KIAA0408: variants seen among roughly 807,000 people sequenced by gnomAD.
The protein encoded by KIAA0408 is uncharacterized protein KIAA0408.
A neutral mutation model predicts 60.9 loss-of-function variants in KIAA0408; 51 were observed. That is an observed-to-expected ratio of 0.84 (90% CI 0.67 to 1.06). The LOEUF (loss-of-function observed/expected upper bound fraction) is 1.06. Ranked by LOEUF, KIAA0408 falls within the 50% of genes least tolerant of loss-of-function variation. The pLI is 0.00. For missense variants in KIAA0408, 787 were observed against 833.9 expected, an observed-to-expected ratio of 0.94 and a Z score of 0.69; for synonymous variants, 304 against 282.4, an observed-to-expected ratio of 1.08 and a Z score of -0.77.
rs1247034181 is a variant in KIAA0408, at chr6:127,453,899, T to C, written c.83A>G (p.Glu28Gly). The change falls in exon 2 of 6, where the codon GAA becomes GGA. Residue 28 changes from glutamate to glycine, a missense_variant. Transcript: ENST00000483725. ...KMELLDQFDN[E>G]RKEWESQWKI... ...CCATTGACTTTCCCATTCCTTTCTT[T>C]CATTGTCAAACTGGTCCAGTAATTC... The C allele has an allele frequency of 3.7e-6, 6 of 1,613,030 alleles. No homozygotes were observed. Among genetic ancestry groups the C allele is most frequent in the Non-Finnish European group, 5.1e-6 (6 of 1,179,246 alleles).
chr6:127,447,531 T>C lies in KIAA0408; in HGVS notation c.788A>G (p.Glu263Gly), dbSNP rs1773223342. 7 of 1,610,858 alleles carry C rather than the reference T, an allele frequency of 4.3e-6. No homozygotes were observed. The highest frequency in any genetic ancestry group is 1.1e-5 in the South Asian group (1 of 90,322). ...TCTTGGAGGAGGAACTGGTGGAGTTTCATTTCTTTTTAAATCGATTGTATC... is the reference window on the plus strand; with the variant it reads ...TCTTGGAGGAGGAACTGGTGGAGTTCCATTTCTTTTTAAATCGATTGTATC... The part of the protein sequence containing the change: ...GIDTIDLKRN[E>G]TPPVPPPRST... Residue 263 changes from glutamate (E) to glycine (G), a missense_variant, in exon 5 of 6, where the codon GAA becomes GGA. Coordinates refer to ENST00000483725, the MANE Select transcript of KIAA0408 (RefSeq NM_014702.5).
At position 127,450,215 on chromosome 6, in the gene KIAA0408, T is replaced by A; in HGVS notation, c.273A>T (p.Glu91Asp). ...CATCTTTGTGATTCGTCCTTATAAA[T>A]TCACTTTGTCCTAAATCGGGGTAAT... Reference protein sequence around the residue: ...SPNYPDLGQSEFIRTNHKDGL... With the variant: ...SPNYPDLGQSDFIRTNHKDGL... Residue 91 changes from glutamate to aspartate, a missense_variant, in exon 3 of 6, where the codon GAA (glutamate) becomes GAT (aspartate). Physicochemically the swap from Glu to Asp is conservative, Grantham distance 45. Around this residue, in one of 3 missense-constraint regions of KIAA0408, gnomAD observed 640 missense variants for 681.3 expected, o/e 0.94. Coordinates refer to ENST00000483725, the MANE Select transcript of KIAA0408 (RefSeq NM_014702.5). 1 of 1,614,082 alleles carries A rather than the reference T, an allele frequency of 6.2e-7. No individual in the cohort carries two copies. Among genetic ancestry groups the A allele is most frequent in the Non-Finnish European group, 8.5e-7 (1 of 1,179,974 alleles).
In KIAA0408 at chr6:127,446,743, C is replaced by A. The variant is rs1773203418; in HGVS notation, c.1576G>T (p.Gly526Ter). The A allele has an allele frequency of 6.2e-7, 1 of 1,613,808 alleles. No individual in the cohort carries two copies. The highest frequency in any genetic ancestry group is 1.7e-5 in the Admixed American group (1 of 59,960). The part of the protein sequence containing the change: ...STTGLVRQMQ[G>*]HLSPRSYRNM... ...CGATAACTGCGAGGACTTAGGTGTC[C>A]CTGCATTTGTCTTACTAGGCCTGTT... Residue 526 changes from glycine to a stop codon, truncating the protein, a stop_gained, in exon 5 of 6, where the codon GGA becomes TGA. Coordinates refer to ENST00000483725, the MANE Select transcript of KIAA0408 (RefSeq NM_014702.5). LOFTEE classifies it high-confidence loss of function.
intron 2 of KIAA0408, among the ~76,000 whole-genome samples, chr6:127,452,701 A>G (rs1053554552): frequency 6.6e-6 from 1 of 152,088 alleles, no homozygotes; most frequent in African/African-American, 2.4e-5. Context: ...TTGGAAGGCA[A>G]TGACCTAGGA....
intron 1 of KIAA0408, among the ~76,000 whole-genome samples, chr6:127,458,751 A>G (rs1045478240): frequency 6.6e-6 from 1 of 152,162 alleles, no homozygotes; most frequent in Non-Finnish European, 1.5e-5. Flanking sequence ...TTTCACCGCA[A>G]TTTTCAAATA....
At chr6:127,449,273 C>G (rs544471305) in intron 4 of KIAA0408, among the ~76,000 whole-genome samples, 8 of 151,838 alleles carry the variant, frequency 5.3e-5, no homozygotes, top group Non-Finnish European at 1.5e-5. Flanking sequence ...TAATTAGACA[C>G]GAAAAAGAGT....
rs1773142415 is a variant in KIAA0408 at position 127,443,804 on chromosome 6, C to G, written c.*305G>C. On this transcript the variant is annotated 3_prime_UTR_variant, in exon 6 of 6. Transcript: ENST00000483725. ...CTTCCTATTTCAACACATGCACCTA[C>G]AAACACATGGCCATGCACATAACCT... The G allele has an allele frequency of 3.7e-6, 1 of 271,180 alleles. No homozygotes were observed. The highest frequency in any genetic ancestry group is 5.0e-5 in the Admixed American group (1 of 19,980). The allele number at this position is 271,180 out of a possible 1,614,324, so 16.8% of individuals were successfully genotyped here.
At position 127,447,132 on chromosome 6, in the gene KIAA0408, T is replaced by C; in HGVS notation, c.1187A>G (p.Asp396Gly). 6.2e-7 allele frequency: 1 copy of C among 1,614,010 alleles called. No homozygotes were observed. The highest frequency in any genetic ancestry group is 8.5e-7 in the Non-Finnish European group (1 of 1,179,964). ...ATCAGGATGAGATTTAGCAGGGTGA[T>C]CTGGGATCACCATTTCATATTTTGG... is the stretch of plus-strand genomic sequence containing the variant. ...SNPKYEMVIP[D>G]HPAKSHPDLH... is the part of the protein sequence containing the mutation. The change falls in exon 5 of 6, where the codon GAT becomes GGT. Residue 396 changes from aspartate to glycine, a missense_variant. Coordinates refer to ENST00000483725, the MANE Select transcript of KIAA0408 (RefSeq NM_014702.5).
chr6:127,458,709 C>T (rs1344815838), intron 1 of KIAA0408, among the ~76,000 whole-genome samples: 1 of 152,154 alleles, frequency 6.6e-6, no homozygotes, highest in Non-Finnish European at 1.5e-5. Context: ...ACAGTGAGTC[C>T]ACCACCACCT....
In KIAA0408 at chr6:127,443,855, A is replaced by C. The variant is rs761059715; in HGVS notation, c.*254T>G. 2 of 408,578 alleles carry C rather than the reference A, an allele frequency of 4.9e-6. No homozygotes were observed. Among genetic ancestry groups the C allele is most frequent in the Admixed American group, 4.2e-5 (1 of 23,604 alleles). 25.3% of individuals were successfully genotyped at this position (408,578 alleles called of 1,614,324 possible). A position where few individuals can be genotyped will look rare whatever the true frequency, so the allele number is the denominator to read the frequency against. ...TACTTTCTGCCACTTGCAACAAAGA[A>C]TATACAATATTGTACATTGTTTCAA... is the stretch of plus-strand genomic sequence containing the variant. On this transcript the variant is annotated 3_prime_UTR_variant, in exon 6 of 6. Transcript: ENST00000483725.
chr6:127,453,789 C>T, intron 2 of KIAA0408, 58 bp downstream of exon 2: 1 of 1,559,498 alleles, frequency 6.4e-7, no homozygotes, highest in South Asian at 1.2e-5. Flanking sequence ...AAACAGCCCA[C>T]AGAATTTTCA....
At position 127,446,683 on chromosome 6, in the gene KIAA0408, T is replaced by C. The variant is rs920170122; in HGVS notation, c.1636A>G (p.Asn546Asp). Reference protein sequence around the residue: ...MLHEHDWRPSNLSGRPRSADP... With the variant: ...MLHEHDWRPSDLSGRPRSADP... ...GCTGACCTCGGACGGCCAGACAAAT[T>C]ACTCGGTCTCCAGTCATGCTCGTGG... The change falls in exon 5 of 6, where the codon AAT becomes GAT. Residue 546 changes from asparagine to aspartate, a missense_variant. Around this residue, in one of 3 missense-constraint regions of KIAA0408, gnomAD observed 640 missense variants for 681.3 expected, o/e 0.94. Transcript: ENST00000483725. The C allele has an allele frequency of 3.1e-6, 5 of 1,613,864 alleles. No homozygotes were observed. The African/African-American group carries it at 6.7e-5, about 22-fold the overall frequency.
Position 127,447,466 on chromosome 6 carries a change from C to T in KIAA0408, c.853G>A (p.Ala285Thr), listed in dbSNP as rs1562369967. The T allele has an allele frequency of 1.2e-6, 2 of 1,613,950 alleles. No individual in the cohort carries two copies. The highest frequency in any genetic ancestry group is 1.7e-6 in the Non-Finnish European group (2 of 1,179,972). The change falls in exon 5 of 6, where the codon GCC (alanine) becomes ACC (threonine). Residue 285 changes from alanine to threonine, a missense_variant. Coordinates refer to ENST00000483725, the MANE Select transcript of KIAA0408 (RefSeq NM_014702.5). ...AACCTTTCCTTCCATCTTTCATAGG[C>T]TTGTTCAGAATCCGAGCTGGGAAAA... ...RNFPSSDSEQ[A>T]YERWKERLDH... is the part of the protein sequence containing the mutation.
At position 127,441,682 on chromosome 6, in the gene KIAA0408, A is replaced by G. The variant is rs988273729; in HGVS notation, c.*2427T>C. 21 of 152,242 alleles carry G rather than the reference A, an allele frequency of 1.4e-4. No homozygotes were observed. Among genetic ancestry groups the G allele is most frequent in the Non-Finnish European group, 2.2e-4 (15 of 68,044 alleles). The allele number at this position is 152,242 out of a possible 1,614,324, so 9.4% of individuals were successfully genotyped here. A position where few individuals can be genotyped will look rare whatever the true frequency, so the allele number is the denominator to read the frequency against. On this transcript the variant is annotated 3_prime_UTR_variant, in exon 6 of 6. Transcript: ENST00000483725. The stretch of plus-strand genomic sequence containing the variant: ...TGCCCACCTAAAGTAGAAATTTACC[A>G]GTTAAAAATCACAAAACATCAAAAA...
At chr6:127,450,471 G>T (rs41285270) in intron 2 of KIAA0408, 119 bp from the exon 3 acceptor site, 57,732 of 1,400,646 alleles carry the variant, frequency 0.041, 1,358 homozygotes, top group Non-Finnish European at 0.048. Flanking sequence ...TACTTCCTGG[G>T]TATTAATGCT....
intron 1 of KIAA0408, among the ~76,000 whole-genome samples, chr6:127,456,744 G>A (rs1435713250): frequency 6.6e-6 from 1 of 151,312 alleles, no homozygotes; most frequent in Non-Finnish European, 1.5e-5. Context: ...TAGATGTAAC[G>A]CAGCCAAACA....
chr6:127,453,861 T>C lies in KIAA0408; in HGVS notation c.121A>G (p.Lys41Glu), dbSNP rs1773344963. Residue 41 changes from lysine to glutamate, a missense_variant, in exon 2 of 6, where the codon AAG becomes GAG. Around this residue, in one of 3 missense-constraint regions of KIAA0408, gnomAD observed 640 missense variants for 681.3 expected, o/e 0.94. Transcript: ENST00000483725. The stretch of plus-strand genomic sequence containing the variant: ...TTAAAGTGTACCTCTTCTATTTTCT[T>C]CTGCATAATCTTCCATTGACTTTCC... ...EWESQWKIMQKKIEELCREVK... is the reference protein window; with the variant it reads ...EWESQWKIMQEKIEELCREVK... The C allele has an allele frequency of 6.2e-7, 1 of 1,612,310 alleles. No homozygotes were observed.
rs1303691069 is a variant in KIAA0408 at position 127,438,982 on chromosome 6, A to T, written c.*5127T>A. The T allele has an allele frequency of 5.9e-5, 9 of 152,234 alleles. No individual in the cohort carries two copies. The allele number at this position is 152,234 out of a possible 1,614,324, so 9.4% of individuals were successfully genotyped here. On this transcript the variant is annotated 3_prime_UTR_variant, in exon 6 of 6. Coordinates refer to ENST00000483725, the MANE Select transcript of KIAA0408 (RefSeq NM_014702.5). ...TTAAGGCCCTTATAAAAGAAGCATC[A>T]CATAGCATTCAGCTGCTTCTTGCTA...
rs1359326806 is a variant in KIAA0408, at chr6:127,450,302, A to G, written c.186T>C (p.Ala62=). 1.2e-6 allele frequency: 2 copies of G among 1,612,406 alleles called. No homozygotes were observed. Among genetic ancestry groups the G allele is most frequent in the Non-Finnish European group, 1.7e-6 (2 of 1,179,650 alleles). ...TCTCATGGTAAAGATCAATGATCTT[A>G]GCACTTTCATTGATATTGATTTTCC... is the stretch of plus-strand genomic sequence containing the variant. ...LWRKININES[A]KIIDLYHEKT... Residue 62 remains alanine (A), a synonymous_variant, in exon 3 of 6, where the codon GCT becomes GCC. Transcript: ENST00000483725.
Sources: gnomAD v4.1 joint callset for allele counts (sites outside exome capture counted in the v4.1 genomes callset) on GRCh38, gnomAD v4.1.1 for gene constraint, gnomAD v4.1.1 regional missense constraint, MANE v1.5 for transcripts, NCBI Gene and HGNC (gene_info 2026-07-23, HGNC 2026-07-21) for gene names.